COG5: variants seen among roughly 807,000 people sequenced by gnomAD.
COG5 encodes component of oligomeric golgi complex 5.
In COG5, 86 loss-of-function variants were observed where a neutral mutation model predicts 110.4. The ratio of observed to expected loss-of-function variants is 0.78; its 90% CI spans 0.65 to 0.93. The LOEUF is 0.93. Among genes scored for constraint, COG5 ranks in the 40% least tolerant of loss-of-function variants. COG5 has a pLI of 0.00. For synonymous variants in COG5, 360 were observed against 334.6 expected (o/e 1.08, Z -0.83); for missense variants, 1,077 against 987.0 (o/e 1.09, Z -1.22).
At position 107,248,425 on chromosome 7, in the gene COG5, G is replaced by C. The variant is rs376663824; in HGVS notation, c.1824C>G (p.Ile608Met). ...TSVGDAIEAI[I>M]ITMHQEDFSG... ...AAAAGTCTTCTTGATGCATGGTGAT[G>C]ATTATGGCCTCTATAGCATCTCCCA... The change falls in exon 17 of 22, where the codon ATC becomes ATG. Residue 608 changes from isoleucine to methionine, a missense_variant. Transcript: ENST00000297135. 3 of 1,611,554 alleles carry C rather than the reference G, an allele frequency of 1.9e-6. No individual in the cohort carries two copies. The highest frequency in any genetic ancestry group is 2.5e-6 in the Non-Finnish European group (3 of 1,178,552).
intron 5 of COG5, among the ~76,000 whole-genome samples, chr7:107,539,134 A>G (rs1373832804): frequency 6.6e-6 from 1 of 152,088 alleles, no homozygotes; most frequent in Non-Finnish European, 1.5e-5. Context: ...AAATTTAAAA[A>G]AAAATTAGCT....
At chr7:107,331,838 C>T (rs1176564371) in intron 10 of COG5, among the ~76,000 whole-genome samples, 2 of 142,922 alleles carry the variant, frequency 1.4e-5, no homozygotes, top group Non-Finnish European at 3.0e-5. Context: ...CCCTGCTTGC[C>T]TCTTTTTTTT....
chr7:107,309,721 T>C (rs2116983292), intron 11 of COG5, among the ~76,000 whole-genome samples: 1 of 152,310 alleles, frequency 6.6e-6, no homozygotes, highest in South Asian at 2.1e-4. Context: ...CACATCTACA[T>C]TCACTTATTT....
intron 12 of COG5, among the ~76,000 whole-genome samples, chr7:107,285,198 A>G (rs1441706781): frequency 6.6e-6 from 1 of 152,222 alleles, no homozygotes; most frequent in African/African-American, 2.4e-5. Flanking sequence ...GCTAATTATA[A>G]TAATTTCTGT....
At chr7:107,523,174 C>G (rs1584930041) in intron 6 of COG5, among the ~76,000 whole-genome samples, 2 of 152,188 alleles carry the variant, frequency 1.3e-5, no homozygotes, top group South Asian at 4.1e-4. Flanking sequence ...TGATTTAGGT[C>G]TTCTTTGTTC....
chr7:107,456,457 A>ATAGCTTTCAGCTAAATATACTT (rs1246604018), intron 6 of COG5, among the ~76,000 whole-genome samples: 1 of 152,208 alleles, frequency 6.6e-6, no homozygotes. Context: ...TCCCTAAAAT[A>ATAGCTTTCAGCTAAATATACTT]TAGCTTTCAG....
intron 11 of COG5, among the ~76,000 whole-genome samples, chr7:107,312,471 G>A (rs986336383): frequency 6.6e-6 from 1 of 152,152 alleles, no homozygotes; most frequent in Admixed American, 6.5e-5. Flanking sequence ...TGACAGAAGA[G>A]GTCTTGCTCA....
intron 14 of COG5, among the ~76,000 whole-genome samples, chr7:107,265,022 G>A (rs921307413): frequency 6.6e-6 from 1 of 152,116 alleles, no homozygotes; most frequent in African/African-American, 2.4e-5. Context: ...TAAAACACTA[G>A]TAAAAGGCAC....
intron 6 of COG5, among the ~76,000 whole-genome samples, chr7:107,509,800 A>G (rs187071690): frequency 6.6e-6 from 1 of 152,324 alleles, no homozygotes; most frequent in East Asian, 1.9e-4. Context: ...AGCCAAACTA[A>G]GCTTCATAAG....
At chr7:107,532,214 G>C (rs1230167665) in intron 5 of COG5, among the ~76,000 whole-genome samples, 1 of 152,076 alleles carries the variant, frequency 6.6e-6, no homozygotes, top group African/African-American at 2.4e-5. Flanking sequence ...CTGCCACCAT[G>C]CCTGACTAAT....
At chr7:107,282,836 C>A (rs948905965) in intron 13 of COG5, among the ~76,000 whole-genome samples, 9 of 152,286 alleles carry the variant, frequency 5.9e-5, no homozygotes, top group Middle Eastern at 3.4e-3. Flanking sequence ...TAGTCTTACT[C>A]TTCCACGCCT....
Position 107,372,712 on chromosome 7 carries a change from T to C in COG5, c.718A>G (p.Thr240Ala). 1 of 1,613,622 alleles carries C rather than the reference T, an allele frequency of 6.2e-7. No homozygotes were observed. The highest frequency in any genetic ancestry group is 8.5e-7 in the Non-Finnish European group (1 of 1,179,768). The change falls in exon 8 of 22, where the codon ACT becomes GCT. Residue 240 changes from threonine (T) to alanine (A), a missense_variant. Coordinates refer to ENST00000297135, the MANE Select transcript of COG5 (RefSeq NM_006348.5). ...ACACTGGTAATAGTATCCTTCAAAG[T>C]TCCAAGATTATAGAAAACCTGAAGA... ...TALQVFYNLG[T>A]LKDTITSVVD...
At chr7:107,409,055 CA>C (rs1563016313) in intron 7 of COG5, among the ~76,000 whole-genome samples, 1 of 151,174 alleles carries the variant, frequency 6.6e-6, no homozygotes, top group African/African-American at 2.4e-5. Context: ...TTGGTGTTTA[CA>C]AAAAGAGATC....
chr7:107,236,455 C>T lies in COG5; in HGVS notation c.2086G>A (p.Ala696Thr), dbSNP rs766715626. 2 of 1,612,294 alleles carry T rather than the reference C, an allele frequency of 1.2e-6. No individual in the cohort carries two copies. The highest frequency in any genetic ancestry group is 2.2e-5 in the South Asian group (2 of 91,040). Residue 696 changes from alanine to threonine, a missense_variant, in exon 18 of 22, where the codon GCA becomes ACA. Ala to Thr is a moderately conservative substitution (Grantham distance 58). Coordinates refer to ENST00000297135, the MANE Select transcript of COG5 (RefSeq NM_006348.5). Reference protein sequence around the residue: ...GGKMRLAADFAQMELAVGPFC... With the variant: ...GGKMRLAADFTQMELAVGPFC... ...GTAGTAATTCATCAATGTACCTGTG[C>T]AAAATCAGCAGCAAGTCGCATTTTC...
chr7:107,286,680 T>C (rs554336660), intron 12 of COG5, among the ~76,000 whole-genome samples: 5 of 152,364 alleles, frequency 3.3e-5, no homozygotes, highest in African/African-American at 1.2e-4. Flanking sequence ...AGAAAACCAC[T>C]GGCCGTGACC....
intron 11 of COG5, among the ~76,000 whole-genome samples, chr7:107,303,608 A>G (rs1334532601): frequency 6.6e-6 from 1 of 151,240 alleles, no homozygotes; most frequent in Non-Finnish European, 1.5e-5. Context: ...TTACTTTTTA[A>G]TTTTTGTAGA....
chr7:107,394,075 C>T (rs1790813179), intron 7 of COG5, among the ~76,000 whole-genome samples: 1 of 151,998 alleles, frequency 6.6e-6, no homozygotes, highest in African/African-American at 2.4e-5. Flanking sequence ...CATTCTCCTG[C>T]CTCAGCCTCC....
At chr7:107,295,086 TATATATATATATA>T (rs1562955719) in intron 12 of COG5, among the ~76,000 whole-genome samples, 7 of 69,402 alleles carry the variant, frequency 1.0e-4, no homozygotes, top group African/African-American at 4.1e-4. Flanking sequence ...TATATATATA[TATATATATATATA>T]TATTTTTTTT....
At chr7:107,251,508 A>G (rs1802499448) in intron 16 of COG5, among the ~76,000 whole-genome samples, 2 of 152,156 alleles carry the variant, frequency 1.3e-5, no homozygotes, top group Non-Finnish European at 2.9e-5. Context: ...AAAAAAAGGT[A>G]AAACCATCAA....
Sources: allele counts gnomAD v4.1 joint callset (sites outside exome capture counted in the v4.1 genomes callset), GRCh38; gene constraint gnomAD v4.1.1; transcripts MANE v1.5; gene names NCBI Gene and HGNC (gene_info 2026-07-23, HGNC 2026-07-21).